PLCB4: variants seen among roughly 807,000 people sequenced by gnomAD.
The protein encoded by PLCB4 is 1-phosphatidylinositol 4,5-bisphosphate phosphodiesterase beta-4.
PLCB4 carries 77 observed loss-of-function variants against 178.8 expected under a neutral mutation model. That is an observed-to-expected ratio of 0.43 (90% CI 0.36 to 0.52). The LOEUF (loss-of-function observed/expected upper bound fraction) is 0.52. Among genes scored for constraint, PLCB4 ranks in the 20% least tolerant of loss-of-function variants. The probability of loss-of-function intolerance (pLI) is 0.00; values close to 1 mark genes in which losing one functional copy is unlikely to be tolerated. For synonymous variants in PLCB4, 496 were observed against 490.8 expected (o/e 1.01, Z -0.14); for missense variants, 1,024 against 1,453.4 (o/e 0.70, Z 4.80).
At chr20:9,187,250 C>T (rs1009779556) in intron 2 of PLCB4, among the ~76,000 whole-genome samples, 5 of 152,132 alleles carry the variant, frequency 3.3e-5, no homozygotes, top group Admixed American at 3.3e-4. Flanking sequence ...CCTGGGATTA[C>T]AGGCATGAGC....
chr20:9,094,432 A>G (rs183832767), intron 1 of PLCB4, among the ~76,000 whole-genome samples: 1 of 152,188 alleles, frequency 6.6e-6, no homozygotes, highest in African/African-American at 2.4e-5. Flanking sequence ...TTTTGTTAGA[A>G]AGTATTTGAA....
At chr20:9,459,455 A>G (rs576248514) in intron 34 of PLCB4, among the ~76,000 whole-genome samples, 180 bp from the exon 35 acceptor site, 5 of 152,376 alleles carry the variant, frequency 3.3e-5, no homozygotes, top group African/African-American at 9.6e-5. Flanking sequence ...TATTTTGATA[A>G]GCAATAACTT....
intron 18 of PLCB4, among the ~76,000 whole-genome samples, chr20:9,394,220 A>G (rs2038387943): frequency 6.6e-6 from 1 of 152,166 alleles, no homozygotes; most frequent in African/African-American, 2.4e-5. Context: ...AATGGTATCA[A>G]ATATTGGCAT....
intron 3 of PLCB4, among the ~76,000 whole-genome samples, chr20:9,228,174 C>T (rs1406905321): frequency 6.6e-6 from 1 of 152,230 alleles, no homozygotes; most frequent in East Asian, 1.9e-4. Context: ...TAACTAGACA[C>T]TGTCCTGATT....
At chr20:9,227,533 G>T (rs568990182) in intron 3 of PLCB4, among the ~76,000 whole-genome samples, 24 of 151,982 alleles carry the variant, frequency 1.6e-4, no homozygotes, top group Non-Finnish European at 3.1e-4. Flanking sequence ...TCATTAATTC[G>T]CATGTAGATA....
intron 2 of PLCB4, among the ~76,000 whole-genome samples, chr20:9,166,902 G>A (rs2092982609): frequency 6.6e-6 from 1 of 152,018 alleles, no homozygotes; most frequent in African/African-American, 2.4e-5. Flanking sequence ...CATGAAAATT[G>A]TTATATTTAT....
intron 1 of PLCB4, among the ~76,000 whole-genome samples, chr20:9,092,783 C>A (rs1379711759): frequency 6.6e-6 from 1 of 152,136 alleles, no homozygotes; most frequent in East Asian, 1.9e-4. Context: ...GGCTCTGCAC[C>A]ACTCAGGAGC....
At chr20:9,365,698 T>C (rs778534266) in intron 9 of PLCB4, among the ~76,000 whole-genome samples, 184 bp downstream of exon 9, 2 of 152,228 alleles carry the variant, frequency 1.3e-5, no homozygotes, top group South Asian at 4.1e-4. Context: ...GAAGTAAAAC[T>C]GCATTTTTTT....
At chr20:9,293,002 C>T (rs1601651457) in intron 3 of PLCB4, among the ~76,000 whole-genome samples, 1 of 152,074 alleles carries the variant, frequency 6.6e-6, no homozygotes, top group East Asian at 1.9e-4. Context: ...TCGCTTGAAC[C>T]CAGGAAGCAG....
chr20:9,289,880 T>A (rs2094565804), intron 3 of PLCB4, among the ~76,000 whole-genome samples: 1 of 151,978 alleles, frequency 6.6e-6, no homozygotes, highest in Admixed American at 6.6e-5. Context: ...TTCAAAAGAG[T>A]ATGTAAAAAT....
intron 7 of PLCB4, among the ~76,000 whole-genome samples, chr20:9,342,131 A>G (rs1170202344): frequency 6.6e-6 from 1 of 152,172 alleles, no homozygotes; most frequent in Admixed American, 6.5e-5. Context: ...AACCATATTT[A>G]CCACCTTCAG....
chr20:9,380,891 A>AT (rs2037085951), intron 13 of PLCB4, among the ~76,000 whole-genome samples: 1 of 152,192 alleles, frequency 6.6e-6, no homozygotes, highest in African/African-American at 2.4e-5. Flanking sequence ...TAGGTCCCGT[A>AT]TGTCCGTGAA....
At chr20:9,070,976 C>T (rs1357416488) in intron 1 of PLCB4, among the ~76,000 whole-genome samples, 2 of 152,166 alleles carry the variant, frequency 1.3e-5, no homozygotes, top group African/African-American at 4.8e-5. Context: ...TTTGCAAATG[C>T]ATACCCACGC....
chr20:9,298,279 A>G (rs1219758395), intron 3 of PLCB4, among the ~76,000 whole-genome samples: 1 of 152,094 alleles, frequency 6.6e-6, no homozygotes, highest in Non-Finnish European at 1.5e-5. Flanking sequence ...AAACATAGAA[A>G]TATACGATTA....
chr20:9,070,578 T>C (rs1407357891), intron 1 of PLCB4, among the ~76,000 whole-genome samples: 1 of 152,214 alleles, frequency 6.6e-6, no homozygotes, highest in African/African-American at 2.4e-5. Flanking sequence ...TGATCTATTA[T>C]ATCATCTTCC....
intron 35 of PLCB4, among the ~76,000 whole-genome samples, chr20:9,468,299 A>AT (rs534471742): frequency 7.9e-4 from 120 of 152,280 alleles, no homozygotes; most frequent in Admixed American, 1.7e-3. Context: ...AGAAAAAAAA[A>AT]GAAGAGTGAG....
intron 26 of PLCB4, among the ~76,000 whole-genome samples, chr20:9,420,321 C>T (rs1056903618): frequency 6.6e-6 from 1 of 151,984 alleles, no homozygotes; most frequent in Non-Finnish European, 1.5e-5. Flanking sequence ...CCCAACTGAT[C>T]TAATTTTACA....
intron 4 of PLCB4, among the ~76,000 whole-genome samples, chr20:9,335,321 A>G (rs902808237): frequency 6.6e-6 from 1 of 152,050 alleles, no homozygotes; most frequent in Admixed American, 6.6e-5. Context: ...TCTTCTATAC[A>G]TGTCCCATCA....
intron 35 of PLCB4, among the ~76,000 whole-genome samples, chr20:9,465,465 A>G (rs548137284): frequency 5.3e-5 from 8 of 152,332 alleles, no homozygotes; most frequent in African/African-American, 1.4e-4. Context: ...AATAAAGGGT[A>G]TTCATTTAGG....
Sources: allele counts gnomAD v4.1 joint callset (sites outside exome capture counted in the v4.1 genomes callset), GRCh38; gene constraint gnomAD v4.1.1; transcripts MANE v1.5; gene names NCBI Gene and HGNC (gene_info 2026-07-23, HGNC 2026-07-21).